Variants in ZPLD1 observed in about 807,000 individuals in gnomAD.
ZPLD1 encodes zona pellucida-like domain-containing protein 1.
Under a neutral mutation model 47.2 loss-of-function variants are expected in ZPLD1, and 34 were observed. The ratio of observed to expected loss-of-function variants is 0.72; its 90% CI spans 0.55 to 0.96. The LOEUF is 0.96. ZPLD1 is among the 40% of genes least tolerant of loss of function. The pLI is 0.00. For synonymous variants in ZPLD1, 176 were observed against 186.2 expected, an observed-to-expected ratio of 0.95 and a Z score of 0.45; for missense variants, 512 against 505.8, an observed-to-expected ratio of 1.01 and a Z score of -0.12.
At chr3:102,405,476 T>A (rs1706671018) in intron 7 of ZPLD1, among the ~76,000 whole-genome samples, 1 of 151,966 alleles carries the variant, frequency 6.6e-6, no homozygotes, top group Non-Finnish European at 1.5e-5. Context: ...GAAAGCAAGA[T>A]AACTAACAGA....
intron 4 of ZPLD1, among the ~76,000 whole-genome samples, chr3:102,454,623 A>G (rs979481486): frequency 2.0e-5 from 3 of 152,226 alleles, no homozygotes; most frequent in African/African-American, 7.2e-5. Context: ...TGTGGGGCCA[A>G]GGTGGGCAGA....
chr3:102,463,930 G>A (rs1182607695), intron 7 of ZPLD1, among the ~76,000 whole-genome samples: 2 of 150,930 alleles, frequency 1.3e-5, no homozygotes, highest in Admixed American at 1.3e-4. Context: ...GGCGCCTGTA[G>A]TCCCAGCTAC....
At chr3:102,391,664 C>T (rs1026990374) in intron 6 of ZPLD1, among the ~76,000 whole-genome samples, 1 of 152,074 alleles carries the variant, frequency 6.6e-6, no homozygotes. Context: ...TGATTTCCAG[C>T]CCCAGCTGAA....
intron 7 of ZPLD1, among the ~76,000 whole-genome samples, chr3:102,398,718 A>G (rs1220636586): frequency 1.3e-5 from 2 of 152,168 alleles, no homozygotes; most frequent in Admixed American, 6.6e-5. Context: ...TCACACCACC[A>G]TGAGCATATT....
chr3:102,449,289 C>A (rs1046129497), intron 3 of ZPLD1, among the ~76,000 whole-genome samples: 1 of 152,226 alleles, frequency 6.6e-6, no homozygotes, highest in African/African-American at 2.4e-5. Context: ...CGGCCTTCTA[C>A]GCTACTCCAT....
chr3:102,389,279 G>T (rs1352098364), intron 6 of ZPLD1, among the ~76,000 whole-genome samples: 15 of 152,116 alleles, frequency 9.9e-5, no homozygotes, highest in Admixed American at 6.5e-5. Context: ...AGGCAAAAAA[G>T]ATCAACACAT....
chr3:102,411,285 G>T (rs550068495), intron 7 of ZPLD1, among the ~76,000 whole-genome samples: 1 of 151,684 alleles, frequency 6.6e-6, no homozygotes, highest in Non-Finnish European at 1.5e-5. Context: ...ATTAGCAGAT[G>T]GTCTAAATCC....
At chr3:102,459,538 G>T (rs1707474113) in intron 6 of ZPLD1, among the ~76,000 whole-genome samples, 1 of 151,970 alleles carries the variant, frequency 6.6e-6, no homozygotes, top group African/African-American at 2.4e-5. Context: ...TTGCTAACAA[G>T]GTATAATCCT....
chr3:102,391,405 GT>G (rs1264413034), intron 6 of ZPLD1, among the ~76,000 whole-genome samples: 3 of 152,128 alleles, frequency 2.0e-5, no homozygotes, highest in Non-Finnish European at 4.4e-5. Flanking sequence ...TTATCAAGAT[GT>G]GGGGTGTCTG....
rs551774584 is a variant in ZPLD1 at position 102,466,655 on chromosome 3, C to CA, written c.762-2302dup. 3.2e-4 allele frequency among the ~76,000 whole-genome samples: 49 copies of CA among 151,448 alleles called. No homozygotes were observed. The South Asian group carries it at 1.0e-2, about 31-fold the overall frequency. ...GGATAAGTGAAAATAAACAGAAATA[C>CA]AAAAAAATGTGTGAGAGGAAGGGAC... On this transcript the variant is annotated intron_variant, in intron 8 of 11. Coordinates refer to ENST00000466937, the MANE Select transcript of ZPLD1 (RefSeq NM_001329788.2).
intron 9 of ZPLD1, 98 bp from the exon 10 acceptor site, chr3:102,470,296 A>G: frequency 1.2e-6 from 1 of 809,244 alleles, no homozygotes; most frequent in Non-Finnish European, 2.1e-6. Context: ...AAAATTAAAC[A>G]TGTGGTATCT....
intron 7 of ZPLD1, among the ~76,000 whole-genome samples, chr3:102,394,043 C>A (rs1706530756): frequency 6.6e-6 from 1 of 152,108 alleles, no homozygotes; most frequent in Non-Finnish European, 1.5e-5. Flanking sequence ...AGATATTCAA[C>A]ATAATTGTTA....
chr3:102,405,645 C>T (rs922030869), intron 7 of ZPLD1, among the ~76,000 whole-genome samples: 8 of 152,054 alleles, frequency 5.3e-5, no homozygotes, highest in African/African-American at 1.9e-4. Flanking sequence ...GCCAAATTAT[C>T]TTCTAAACTT....
chr3:102,478,945 C>T lies in ZPLD1; in HGVS notation c.*1327C>T, dbSNP rs536450222. On this transcript the variant is annotated 3_prime_UTR_variant, in exon 12 of 12. Transcript: ENST00000466937. ...ATTCAACATTTGTGACCCATTAGTC[C>T]GGACTTAATTTACTATACTGCATGC... 3.3e-5 allele frequency: 5 copies of T among 152,228 alleles called. No individual in the cohort carries two copies. The East Asian group carries it at 7.7e-4, about 23-fold the overall frequency. 9.4% of individuals were successfully genotyped at this position (152,228 alleles called of 1,614,324 possible). A position where few individuals can be genotyped will look rare whatever the true frequency, so the allele number is the denominator to read the frequency against.
intron 3 of ZPLD1, among the ~76,000 whole-genome samples, chr3:102,445,705 T>TA (rs1707246276): frequency 6.6e-6 from 1 of 152,196 alleles, no homozygotes; most frequent in Non-Finnish European, 1.5e-5. Context: ...GATAGTCTGC[T>TA]AGCTTTATGT....
chr3:102,396,777 T>C (rs1045099572), intron 7 of ZPLD1, among the ~76,000 whole-genome samples: 4 of 152,166 alleles, frequency 2.6e-5, no homozygotes, highest in Admixed American at 2.0e-4. Flanking sequence ...CCAGCTATAC[T>C]GAACAGCTCG....
intron 6 of ZPLD1, among the ~76,000 whole-genome samples, chr3:102,390,293 C>T (rs899114806): frequency 6.6e-6 from 1 of 152,176 alleles, no homozygotes; most frequent in Non-Finnish European, 1.5e-5. Context: ...CTTTTACCCC[C>T]AACCGGATTT....
chr3:102,408,577 C>T (rs542140939), intron 7 of ZPLD1, among the ~76,000 whole-genome samples: 2 of 151,902 alleles, frequency 1.3e-5, no homozygotes, highest in Middle Eastern at 6.8e-3. Flanking sequence ...TATCAGCAGA[C>T]CATCTAGAGA....
intron 6 of ZPLD1, among the ~76,000 whole-genome samples, chr3:102,391,901 C>A (rs1352110418): frequency 6.6e-6 from 1 of 152,088 alleles, no homozygotes; most frequent in Non-Finnish European, 1.5e-5. Flanking sequence ...AATGTGCAGG[C>A]TAAATAGTCT....
Sources: allele counts gnomAD v4.1 joint callset (sites outside exome capture counted in the v4.1 genomes callset), GRCh38; gene constraint gnomAD v4.1.1; transcripts MANE v1.5; gene names NCBI Gene and HGNC (gene_info 2026-07-23, HGNC 2026-07-21).